ZNF521: variants seen among roughly 807,000 people sequenced by gnomAD.
ZNF521 encodes the protein LYST-interacting protein 3.
ZNF521 carries 14 observed loss-of-function variants against 105.5 expected under a neutral mutation model. That is an observed-to-expected ratio of 0.13 (90% CI 0.09 to 0.21). ZNF521 has a LOEUF of 0.21. Ranked by LOEUF, ZNF521 falls within the 10% of genes least tolerant of loss-of-function variation. The probability of loss-of-function intolerance (pLI) is 1.00; values close to 1 mark genes in which losing one functional copy is unlikely to be tolerated. For missense variants in ZNF521, 1,233 were observed against 1,629.7 expected, an observed-to-expected ratio of 0.76 and a Z score of 4.19; for synonymous variants, 635 against 606.0, an observed-to-expected ratio of 1.05 and a Z score of -0.70.
At chr18:25,206,044 C>T (rs2036073541) in intron 4 of ZNF521, among the ~76,000 whole-genome samples, 1 of 152,114 alleles carries the variant, frequency 6.6e-6, no homozygotes, top group Admixed American at 6.6e-5. Context: ...CGCTCTGTCA[C>T]ACAGGCTGGA....
At chr18:25,170,360 T>G (rs1426948601) in intron 5 of ZNF521, among the ~76,000 whole-genome samples, 4 of 152,118 alleles carry the variant, frequency 2.6e-5, no homozygotes, top group Non-Finnish European at 5.9e-5. Context: ...AATTGCACTG[T>G]GCTTGGCAAT....
chr18:25,210,964 T>C (rs533093834), intron 4 of ZNF521, among the ~76,000 whole-genome samples: 51 of 152,354 alleles, frequency 3.3e-4, no homozygotes, highest in African/African-American at 1.2e-3. Flanking sequence ...GCCTTGTGCA[T>C]GGCAGGAATT....
At chr18:25,299,225 C>A (rs1489480507) in intron 3 of ZNF521, among the ~76,000 whole-genome samples, 1 of 152,190 alleles carries the variant, frequency 6.6e-6, no homozygotes, top group Non-Finnish European at 1.5e-5. Context: ...GGTAGGAAAC[C>A]ATACACAGAA....
intron 5 of ZNF521, among the ~76,000 whole-genome samples, chr18:25,136,061 A>G (rs530964513): frequency 6.6e-6 from 1 of 152,282 alleles, no homozygotes; most frequent in South Asian, 2.1e-4. Flanking sequence ...CCCTTCACAT[A>G]AATCAATAAG....
At position 25,133,025 on chromosome 18, in the gene ZNF521, G is replaced by A. The variant is rs1651596775; in HGVS notation, c.3659-40944C>T. Reference sequence around the variant, plus strand: ...AGGTGTGTTGGTCTGTTGGATGGGCGGTCTTGGTAGGTTTCCTAATTGCCG... The same window carrying A: ...AGGTGTGTTGGTCTGTTGGATGGGCAGTCTTGGTAGGTTTCCTAATTGCCG... On this transcript the variant is annotated intron_variant, in intron 5 of 7. Transcript: ENST00000361524. 2.0e-5 allele frequency among the ~76,000 whole-genome samples: 3 copies of A among 152,118 alleles called. No homozygotes were observed. The South Asian group carries it at 6.2e-4, about 32-fold the overall frequency.
chr18:25,115,569 A>G (rs1328094847), intron 5 of ZNF521, among the ~76,000 whole-genome samples: 1 of 152,216 alleles, frequency 6.6e-6, no homozygotes, highest in Non-Finnish European at 1.5e-5. Flanking sequence ...TCTCTAAATA[A>G]TAAATAAAAG....
intron 7 of ZNF521, among the ~76,000 whole-genome samples, chr18:25,063,278 T>G (rs1429594818): frequency 6.6e-6 from 1 of 152,110 alleles, no homozygotes. Flanking sequence ...CCCCTGAATA[T>G]GGGTATGAAA....
chr18:25,184,379 T>C (rs752932720), intron 5 of ZNF521, among the ~76,000 whole-genome samples: 20 of 152,094 alleles, frequency 1.3e-4, no homozygotes, highest in Non-Finnish European at 2.6e-4. Flanking sequence ...CTACTGGAGG[T>C]CTGCAGAGTT....
At chr18:25,263,898 C>T (rs1909082981) in intron 3 of ZNF521, among the ~76,000 whole-genome samples, 1 of 152,150 alleles carries the variant, frequency 6.6e-6, no homozygotes, top group Non-Finnish European at 1.5e-5. Context: ...ACTTTCTTAA[C>T]CTATATGTAA....
chr18:25,319,069 T>C (rs1297043636), intron 3 of ZNF521, among the ~76,000 whole-genome samples: 2 of 152,064 alleles, frequency 1.3e-5, no homozygotes, highest in Admixed American at 6.6e-5. Flanking sequence ...TCTCAAATAA[T>C]GATGGAGGCA....
intron 5 of ZNF521, among the ~76,000 whole-genome samples, chr18:25,182,388 T>C (rs1459637518): frequency 6.6e-6 from 1 of 152,212 alleles, no homozygotes; most frequent in Non-Finnish European, 1.5e-5. Context: ...ATAAAGCAAC[T>C]GAAGCAGCAT....
intron 2 of ZNF521, among the ~76,000 whole-genome samples, chr18:25,342,497 T>C (rs80081437): frequency 0.18 from 23,381 of 128,874 alleles, 2,818 homozygotes; most frequent in Admixed American, 0.22. Flanking sequence ...GGAGCCATCT[T>C]GGCTCACTGA....
In ZNF521 at chr18:25,116,826, T is replaced by A. The variant is rs112829082; in HGVS notation, c.3659-24745A>T. On this transcript the variant is annotated intron_variant, in intron 5 of 7. Transcript: ENST00000361524. ...TAGAAAACATAATTTGGGGCAAGCATAGCCACTGGAAAGTAAGGGGAAAAT... is the reference window on the plus strand; with the variant it reads ...TAGAAAACATAATTTGGGGCAAGCAAAGCCACTGGAAAGTAAGGGGAAAAT... Among the ~76,000 whole-genome samples the A allele has an allele frequency of 5.1e-3, 767 of 149,986 alleles. 8 individuals are homozygous for A. The highest frequency in any genetic ancestry group is 0.018 in the African/African-American group (731 of 40,802).
At chr18:25,182,467 C>CA (rs1330684481) in intron 5 of ZNF521, among the ~76,000 whole-genome samples, 1 of 152,168 alleles carries the variant, frequency 6.6e-6, no homozygotes, top group African/African-American at 2.4e-5. Context: ...CAACATACAT[C>CA]AAGCATTGCA....
Position 25,062,541 on chromosome 18 carries a change from T to C in ZNF521, c.*171A>G. On this transcript the variant is annotated 3_prime_UTR_variant, in exon 8 of 8. Coordinates refer to ENST00000361524, the MANE Select transcript of ZNF521 (RefSeq NM_015461.3). ...CTTTATATACAAGGGGTCTATCCGGTGCGCAAAAGTTCAAACACATGAACA... is the reference window on the plus strand; with the variant it reads ...CTTTATATACAAGGGGTCTATCCGGCGCGCAAAAGTTCAAACACATGAACA... The C allele has an allele frequency of 1.2e-6, 1 of 810,880 alleles. No individual in the cohort carries two copies. The highest frequency in any genetic ancestry group is 2.7e-5 in the Admixed American group (1 of 36,518). The allele number at this position is 810,880 out of a possible 1,614,324, so 50.2% of individuals were successfully genotyped here.
intron 5 of ZNF521, among the ~76,000 whole-genome samples, chr18:25,150,721 T>C (rs922511983): frequency 9.9e-5 from 15 of 152,058 alleles, no homozygotes; most frequent in Non-Finnish European, 1.9e-4. Flanking sequence ...ATCTATTGGG[T>C]CATAACTCCT....
At chr18:25,062,815 T>C in intron 7 of ZNF521, 74 bp from the exon 8 acceptor site, 4 of 1,360,708 alleles carry the variant, frequency 2.9e-6, no homozygotes, top group Non-Finnish European at 4.0e-6. Flanking sequence ...ACTTCAGTGA[T>C]TTCATTTTCA....
intron 4 of ZNF521, among the ~76,000 whole-genome samples, chr18:25,197,090 T>A (rs1011553115): frequency 2.0e-5 from 3 of 151,848 alleles, no homozygotes; most frequent in Admixed American, 1.3e-4. Context: ...CAGCACTTAC[T>A]ACTATCTTCA....
At chr18:25,065,520 T>C (rs1177477575) in intron 7 of ZNF521, among the ~76,000 whole-genome samples, 1 of 152,042 alleles carries the variant, frequency 6.6e-6, no homozygotes, top group Non-Finnish European at 1.5e-5. Context: ...TATGCCAAAC[T>C]CTGAAATCGA....
Sources: gnomAD v4.1 joint callset for allele counts (sites outside exome capture counted in the v4.1 genomes callset) on GRCh38, gnomAD v4.1.1 for gene constraint, MANE v1.5 for transcripts, NCBI Gene and HGNC (gene_info 2026-07-23, HGNC 2026-07-21) for gene names.